Variants in IFT43 observed in about 807,000 individuals in gnomAD.
The protein encoded by IFT43 is intraflagellar transport protein 43 homolog.
Under a neutral mutation model 32.3 loss-of-function variants are expected in IFT43, and 33 were observed. That is an observed-to-expected ratio of 1.02 (90% CI 0.77 to 1.37). The LOEUF (loss-of-function observed/expected upper bound fraction) is 1.37. Among genes scored for constraint, IFT43 ranks in the 40% most tolerant of loss-of-function variants. The pLI is 0.00. For missense variants in IFT43, 274 were observed against 265.9 expected (o/e 1.03, Z -0.21); for synonymous variants, 93 against 98.2 (o/e 0.95, Z 0.31).
At chr14:76,050,422 G>A (rs1363389649) in intron 3 of IFT43, among the ~76,000 whole-genome samples, 2 of 151,596 alleles carry the variant, frequency 1.3e-5, no homozygotes, top group African/African-American at 4.8e-5. Context: ...TTTGGATGTG[G>A]TGGGAGTGTT....
chr14:76,035,103 G>A (rs117070621), intron 3 of IFT43, among the ~76,000 whole-genome samples: 299 of 152,226 alleles, frequency 2.0e-3, no homozygotes, highest in Middle Eastern at 3.4e-3. Context: ...AATGTCAGCC[G>A]TCATTTTCAA....
At chr14:76,014,879 C>G (rs1390493330) in intron 2 of IFT43, among the ~76,000 whole-genome samples, 1 of 152,178 alleles carries the variant, frequency 6.6e-6, no homozygotes, top group East Asian at 1.9e-4. Flanking sequence ...CTTCCTGGAA[C>G]AATTCTGTGT....
At chr14:75,995,904 C>G (rs565006003) in intron 2 of IFT43, among the ~76,000 whole-genome samples, 1 of 152,272 alleles carries the variant, frequency 6.6e-6, no homozygotes, top group African/African-American at 2.4e-5. Flanking sequence ...TGAACTCTCC[C>G]TTGGAGTGTG....
chr14:76,080,483 T>C (rs549430086), intron 5 of IFT43, among the ~76,000 whole-genome samples: 4 of 152,136 alleles, frequency 2.6e-5, no homozygotes, highest in Non-Finnish European at 5.9e-5. Flanking sequence ...AGGACCCAAA[T>C]GCTAAAGTTG....
intron 5 of IFT43, among the ~76,000 whole-genome samples, chr14:76,069,991 C>A (rs937980390): frequency 3.9e-5 from 6 of 152,178 alleles, no homozygotes; most frequent in African/African-American, 1.4e-4. Flanking sequence ...TCCTAAAGGA[C>A]AAGCTGGGTT....
chr14:76,054,554 C>G (rs982173462), intron 3 of IFT43, among the ~76,000 whole-genome samples: 8 of 152,244 alleles, frequency 5.3e-5, no homozygotes, highest in African/African-American at 1.9e-4. Flanking sequence ...AATTGTGCTG[C>G]TGAAACCTGC....
At chr14:75,988,810 G>T (rs187076697) in intron 1 of IFT43, 75 bp from the exon 2 acceptor site, 4 of 1,607,956 alleles carry the variant, frequency 2.5e-6, no homozygotes, top group East Asian at 2.2e-5. Context: ...GAGCCACTGC[G>T]CCCGGCTGGA....
rs372505367 is a variant in IFT43 at position 75,985,855 on chromosome 14, G to T, written c.54+15G>T. ...TGGCTACCTCCGTGAGGACCAATTC[G>T]GGGGCCTTGGGGGCCAGGATTTGGC... On this transcript the variant is annotated intron_variant, in intron 1 of 8. Coordinates refer to ENST00000314067, the MANE Select transcript of IFT43 (RefSeq NM_001102564.3). 1.8e-4 allele frequency: 297 copies of T among 1,613,422 alleles called. 2 individuals are homozygous for T. In the African/African-American group the frequency reaches 3.4e-3, roughly 18 times the overall value.
chr14:76,058,599 T>C (rs1283269873), intron 3 of IFT43, 43 bp from the exon 4 acceptor site: 1 of 1,609,824 alleles, frequency 6.2e-7, no homozygotes, highest in South Asian at 1.1e-5. Flanking sequence ...TGCATGAGAC[T>C]AGTGGGCTCT....
Position 76,080,308 on chromosome 14 carries a change from G to T in IFT43, c.296-1987G>T, listed in dbSNP as rs142059620. On this transcript the variant is annotated intron_variant, in intron 5 of 8. Transcript: ENST00000314067. ...CCGCTCTGAGCAGCCCCTTTGCCAAGGCCCGAGCTGACCTCTGATCTGTCA... is the reference window on the plus strand; with the variant it reads ...CCGCTCTGAGCAGCCCCTTTGCCAATGCCCGAGCTGACCTCTGATCTGTCA... 3.2e-3 allele frequency among the ~76,000 whole-genome samples: 495 copies of T among 152,308 alleles called. 2 individuals are homozygous for T. Among genetic ancestry groups the T allele is most frequent in the Middle Eastern group, 6.8e-3 (2 of 294 alleles).
At position 75,999,260 on chromosome 14, in the gene IFT43, TATA is replaced by T. The variant is rs2035824744; in HGVS notation, c.147+10284_147+10286del. Among the ~76,000 whole-genome samples, 3 of 19,760 alleles carry T rather than the reference TATA, an allele frequency of 1.5e-4. 1 individual carries two copies. In the South Asian group the frequency reaches 5.4e-3, roughly 36 times the overall value. 13.0% of individuals were successfully genotyped at this position (19,760 alleles called of 152,430 possible). ...ATATATATATATATATATATATATA[TATA>T]TATATATATGTATATATATTTTTTT... On this transcript the variant is annotated intron_variant, in intron 2 of 8. Coordinates refer to ENST00000314067, the MANE Select transcript of IFT43 (RefSeq NM_001102564.3).
At chr14:76,030,101 T>C (rs2036480653) in intron 3 of IFT43, among the ~76,000 whole-genome samples, 1 of 152,058 alleles carries the variant, frequency 6.6e-6, no homozygotes, top group Admixed American at 6.6e-5. Context: ...TTGCTGAGGC[T>C]GGTCTCAAAC....
In IFT43 at chr14:76,079,340, G is replaced by A. The variant is rs1469153937; in HGVS notation, c.296-2955G>A. ...TATGTAATATTATAATATCGGTGAA[G>A]TCCATAAGAATGGTTATTGAATATT... On this transcript the variant is annotated intron_variant, in intron 5 of 8. Transcript: ENST00000314067. Among the ~76,000 whole-genome samples the A allele has an allele frequency of 3.9e-5, 6 of 152,206 alleles. No homozygotes were observed. In the East Asian group the frequency reaches 9.6e-4, roughly 24 times the overall value.
rs1274854373 is a variant in IFT43 at position 76,060,342 on chromosome 14, C to T, written c.295+969C>T. Among the ~76,000 whole-genome samples, 4 of 151,942 alleles carry T rather than the reference C, an allele frequency of 2.6e-5. No individual in the cohort carries two copies. In the East Asian group the frequency reaches 5.8e-4, roughly 22 times the overall value. ...AAGTGATTCTCCTGCCTCAGCCTCCCGAGTAGCTGGGGTTGCAGGTGCATG... is the reference window on the plus strand; with the variant it reads ...AAGTGATTCTCCTGCCTCAGCCTCCTGAGTAGCTGGGGTTGCAGGTGCATG... On this transcript the variant is annotated intron_variant, in intron 5 of 8. Transcript: ENST00000314067.
chr14:76,010,172 G>C (rs927124577), intron 2 of IFT43, among the ~76,000 whole-genome samples: 6 of 152,114 alleles, frequency 3.9e-5, no homozygotes, highest in Non-Finnish European at 7.4e-5. Flanking sequence ...AGGAGGCTAG[G>C]GTGGGCAGGG....
chr14:76,062,973 G>T, intron 5 of IFT43, among the ~76,000 whole-genome samples: 1 of 143,858 alleles, frequency 7.0e-6, no homozygotes, highest in East Asian at 2.0e-4. Flanking sequence ...ACTGTAAATT[G>T]TGGAACATCT....
At chr14:76,067,410 T>TA (rs906589460) in intron 5 of IFT43, among the ~76,000 whole-genome samples, 5 of 149,184 alleles carry the variant, frequency 3.4e-5, no homozygotes, top group African/African-American at 9.8e-5. Context: ...TACTAAAAAT[T>TA]AAAAAAAAAA....
At chr14:76,035,857 A>C (rs1483634626) in intron 3 of IFT43, among the ~76,000 whole-genome samples, 5 of 152,230 alleles carry the variant, frequency 3.3e-5, no homozygotes, top group Non-Finnish European at 7.3e-5. Flanking sequence ...TAGGCTGGTC[A>C]CCTGTGGCCA....
chr14:76,046,002 A>T (rs564098389), intron 3 of IFT43, among the ~76,000 whole-genome samples: 6 of 152,304 alleles, frequency 3.9e-5, no homozygotes, highest in African/African-American at 1.4e-4. Flanking sequence ...CCTACTATAA[A>T]GACCGTGTCA....
Sources: allele counts gnomAD v4.1 joint callset (sites outside exome capture counted in the v4.1 genomes callset), GRCh38; gene constraint gnomAD v4.1.1; transcripts MANE v1.5; gene names NCBI Gene and HGNC (gene_info 2026-07-23, HGNC 2026-07-21).